The following TJP2 variants were observed in gnomAD, a reference collection of about 807,000 sequenced individuals.
TJP2 encodes the protein Friedreich ataxia region gene X104 (tight junction protein ZO-2).
In TJP2, 91 loss-of-function variants were observed where a neutral mutation model predicts 133.1. That is an observed-to-expected ratio of 0.68 (90% CI 0.58 to 0.81). The LOEUF is 0.81. TJP2 is among the 40% of genes least tolerant of loss of function. The pLI, the probability that TJP2 is intolerant of heterozygous loss-of-function variation, is 0.00. For missense variants in TJP2, 1,541 were observed against 1,565.6 expected, an observed-to-expected ratio of 0.98 and a Z score of 0.26; for synonymous variants, 592 against 583.4, an observed-to-expected ratio of 1.01 and a Z score of -0.21.
At chr9:69,191,973 G>A (rs1388293762) in intron 1 of TJP2, among the ~76,000 whole-genome samples, 1 of 151,858 alleles carries the variant, frequency 6.6e-6, no homozygotes, top group African/African-American at 2.4e-5. Context: ...CCTAACCTCA[G>A]GTGATCCACC....
chr9:69,198,842 G>A (rs1826786481), intron 1 of TJP2, among the ~76,000 whole-genome samples: 1 of 152,242 alleles, frequency 6.6e-6, no homozygotes, highest in Non-Finnish European at 1.5e-5. Context: ...AGTATTGTTG[G>A]ATGCGGTGGC....
At chr9:69,167,940 C>T (rs914989979) in intron 2 of TJP2, among the ~76,000 whole-genome samples, 5 of 151,234 alleles carry the variant, frequency 3.3e-5, no homozygotes, top group East Asian at 1.9e-4. Context: ...ATACTAGAAA[C>T]GTAGATGCCA....
chr9:69,178,550 C>T (rs1825260727), intron 1 of TJP2, among the ~76,000 whole-genome samples: 1 of 152,136 alleles, frequency 6.6e-6, no homozygotes, highest in African/African-American at 2.4e-5. Context: ...ACCTTGACCA[C>T]GCCTTCAAGA....
chr9:69,134,678 A>G (rs1822647470), intron 1 of TJP2, among the ~76,000 whole-genome samples: 1 of 152,224 alleles, frequency 6.6e-6, no homozygotes, highest in Non-Finnish European at 1.5e-5. Context: ...CCACCCAGCG[A>G]GCTGAAAGAC....
chr9:69,193,612 A>G (rs1481177256), intron 1 of TJP2, among the ~76,000 whole-genome samples: 11 of 147,054 alleles, frequency 7.5e-5, no homozygotes, highest in African/African-American at 2.5e-4. Context: ...TGATAATGGC[A>G]TACAAGATAG....
intron 2 of TJP2, among the ~76,000 whole-genome samples, chr9:69,167,245 A>C (rs988207901): frequency 6.6e-6 from 1 of 152,142 alleles, no homozygotes; most frequent in African/African-American, 2.4e-5. Context: ...AAAACATAAA[A>C]ATAAAAATAA....
At chr9:69,252,414 A>G (rs1831405884) in intron 21 of TJP2, among the ~76,000 whole-genome samples, 1 of 152,138 alleles carries the variant, frequency 6.6e-6, no homozygotes, top group Non-Finnish European at 1.5e-5. Flanking sequence ...CCGTACCCAT[A>G]AAATACTAAC....
chr9:69,188,082 C>T (rs1033586034), intron 1 of TJP2, among the ~76,000 whole-genome samples: 3 of 152,136 alleles, frequency 2.0e-5, no homozygotes, highest in African/African-American at 7.2e-5. Flanking sequence ...TTATGGGGTG[C>T]GTTGGGGGCT....
chr9:69,159,209 G>T (rs940387341), intron 2 of TJP2, among the ~76,000 whole-genome samples: 1 of 152,008 alleles, frequency 6.6e-6, no homozygotes, highest in African/African-American at 2.4e-5. Flanking sequence ...CAGCTACTTG[G>T]GGGTGCTGAG....
intron 1 of TJP2, among the ~76,000 whole-genome samples, chr9:69,196,941 GTGTGT>G (rs1826606580): frequency 7.7e-5 from 3 of 39,036 alleles, no homozygotes; most frequent in Non-Finnish European, 1.3e-4. Context: ...GTGTGTGTGT[GTGTGT>G]ACACACACAC....
chr9:69,223,069 G>GAAAAAAAAAAAAAAAAAA (rs57114714), intron 5 of TJP2, among the ~76,000 whole-genome samples: 1 of 114,084 alleles, frequency 8.8e-6, no homozygotes. Flanking sequence ...ACTCTGTCTT[G>GAAAAAAAAAAAAAAAAAA]AAAAAAAAAA....
At chr9:69,160,029 C>T (rs941880534) in intron 2 of TJP2, among the ~76,000 whole-genome samples, 2 of 151,300 alleles carry the variant, frequency 1.3e-5, no homozygotes, top group African/African-American at 2.4e-5. Context: ...AAGGATGATT[C>T]AAGCAAAGGC....
intron 1 of TJP2, among the ~76,000 whole-genome samples, chr9:69,196,940 TGTGTGTACACACAC>T (rs1303331399): frequency 1.7e-4 from 12 of 70,576 alleles, no homozygotes; most frequent in South Asian, 4.8e-4. Flanking sequence ...TGTGTGTGTG[TGTGTGTACACACAC>T]ACACACACAC....
intron 1 of TJP2, among the ~76,000 whole-genome samples, chr9:69,200,497 C>T (rs1303737966): frequency 6.6e-6 from 1 of 152,234 alleles, no homozygotes; most frequent in Non-Finnish European, 1.5e-5. Flanking sequence ...AAGTGATCCT[C>T]CTGCCTCAGT....
At chr9:69,234,816 ATGTTCT>A (rs898275638) in intron 12 of TJP2, among the ~76,000 whole-genome samples, 39 of 152,172 alleles carry the variant, frequency 2.6e-4, no homozygotes, top group African/African-American at 8.9e-4. Flanking sequence ...ATGCAGCCTT[ATGTTCT>A]GCCTGGAGTT....
chr9:69,213,210 C>T (rs949848166), intron 2 of TJP2, among the ~76,000 whole-genome samples: 6 of 152,042 alleles, frequency 3.9e-5, no homozygotes, highest in Middle Eastern at 3.4e-3. Context: ...ATTACAGGCG[C>T]CTATCACCAC....
chr9:69,189,465 A>G (rs1466096898), intron 1 of TJP2, among the ~76,000 whole-genome samples: 1 of 152,094 alleles, frequency 6.6e-6, no homozygotes, highest in Non-Finnish European at 1.5e-5. Flanking sequence ...ATTCACTGAG[A>G]TTCTTGCTGA....
intron 1 of TJP2, among the ~76,000 whole-genome samples, chr9:69,207,141 C>T (rs1020215841): frequency 4.6e-5 from 7 of 152,122 alleles, no homozygotes; most frequent in African/African-American, 1.2e-4. Flanking sequence ...CACACACACA[C>T]GCCCCTAAAC....
chr9:69,196,474 T>C (rs779573938), intron 1 of TJP2, among the ~76,000 whole-genome samples: 2 of 152,216 alleles, frequency 1.3e-5, no homozygotes, highest in Non-Finnish European at 2.9e-5. Flanking sequence ...GTCTTGTTAC[T>C]GCTACTGCCT....
Sources: gnomAD v4.1 joint callset for allele counts (sites outside exome capture counted in the v4.1 genomes callset) on GRCh38, gnomAD v4.1.1 for gene constraint, MANE v1.5 for transcripts, NCBI Gene and HGNC (gene_info 2026-07-23, HGNC 2026-07-21) for gene names.